The following PLCG2 variants were observed in gnomAD, a reference collection of about 807,000 sequenced individuals.
PLCG2 encodes the protein 1-phosphatidylinositol 4,5-bisphosphate phosphodiesterase gamma-2.
In PLCG2, 69 loss-of-function variants were observed where a neutral mutation model predicts 175.6. That is an observed-to-expected ratio of 0.39 (90% CI 0.32 to 0.48). The LOEUF (loss-of-function observed/expected upper bound fraction) is 0.48. Ranked by LOEUF, PLCG2 falls within the 20% of genes least tolerant of loss-of-function variation. PLCG2 has a pLI of 0.91. For missense variants in PLCG2, 1,798 were observed against 1,650.9 expected, an observed-to-expected ratio of 1.09 and a Z score of -1.54; for synonymous variants, 827 against 624.0, an observed-to-expected ratio of 1.33 and a Z score of -4.85.
chr16:81,746,370 C>G (rs1179530639), intron 1 of PLCG2, among the ~76,000 whole-genome samples: 3 of 152,174 alleles, frequency 2.0e-5, no homozygotes, highest in African/African-American at 7.2e-5. Flanking sequence ...GGGGCGGAAA[C>G]GGAAGCATGG....
intron 31 of PLCG2, among the ~76,000 whole-genome samples, chr16:81,954,321 G>C (rs751665807): frequency 1.3e-5 from 2 of 152,096 alleles, no homozygotes; most frequent in Non-Finnish European, 2.9e-5. Flanking sequence ...TGCGCCCGGC[G>C]ACTTGATTCT....
chr16:81,764,563 C>G (rs1429105094), intron 2 of PLCG2, among the ~76,000 whole-genome samples: 1 of 152,214 alleles, frequency 6.6e-6, no homozygotes, highest in Non-Finnish European at 1.5e-5. Flanking sequence ...TCTCACCCTC[C>G]AGCCCATGCA....
At chr16:81,884,363 A>C (rs920702393) in intron 9 of PLCG2, among the ~76,000 whole-genome samples, 4 of 151,934 alleles carry the variant, frequency 2.6e-5, no homozygotes, top group Non-Finnish European at 5.9e-5. Context: ...AAAACAAAAA[A>C]CAAAAACACC....
chr16:81,884,120 G>T (rs1908232342), intron 9 of PLCG2, among the ~76,000 whole-genome samples: 1 of 152,222 alleles, frequency 6.6e-6, no homozygotes, highest in African/African-American at 2.4e-5. Context: ...GGAGGCCGAG[G>T]CGGGCGGATC....
intron 9 of PLCG2, 79 bp downstream of exon 9, chr16:81,883,420 G>A: frequency 8.5e-7 from 1 of 1,180,854 alleles, no homozygotes; most frequent in South Asian, 1.2e-5. Context: ...TCTGCCGCCT[G>A]TGCTCACCTG....
At chr16:81,908,928 C>T (rs1453180315) in intron 17 of PLCG2, among the ~76,000 whole-genome samples, 1 of 152,198 alleles carries the variant, frequency 6.6e-6, no homozygotes, top group Non-Finnish European at 1.5e-5. Flanking sequence ...CGATCCCAGC[C>T]CTGGAGTGGG....
Position 81,907,765 on chromosome 16 carries a change from A to G in PLCG2, c.1548A>G (p.Glu516=). The G allele has an allele frequency of 6.2e-7, 1 of 1,612,980 alleles. No homozygotes were observed. The highest frequency in any genetic ancestry group is 8.5e-7 in the Non-Finnish European group (1 of 1,179,250). ...SDDIEQTMEE[E]VPQDIPPTEL... is the part of the protein sequence containing the mutation. ...ACATTGAACAGACTATGGAGGAGGA[A>G]GTGCCCCAGGTAGGGGGACACCCTA... Residue 516 remains glutamate, a synonymous_variant, in exon 16 of 33, where the codon GAA becomes GAG. Coordinates refer to ENST00000564138, the MANE Select transcript of PLCG2 (RefSeq NM_002661.5).
At chr16:81,813,032 G>A (rs4889395) in intron 2 of PLCG2, among the ~76,000 whole-genome samples, 151,627 of 152,350 alleles carry the variant, frequency 1, 75,455 homozygotes, top group East Asian at 1. Flanking sequence ...GCAATGGTCT[G>A]TATATCTATT....
At chr16:81,765,769 C>T (rs762813977) in intron 2 of PLCG2, among the ~76,000 whole-genome samples, 6 of 152,162 alleles carry the variant, frequency 3.9e-5, no homozygotes, top group Non-Finnish European at 5.9e-5. Context: ...GACATTTTAG[C>T]CCCTTCTGAA....
chr16:81,838,609 G>A (rs1388645971), intron 2 of PLCG2, among the ~76,000 whole-genome samples: 2 of 151,872 alleles, frequency 1.3e-5, no homozygotes, highest in Non-Finnish European at 2.9e-5. Flanking sequence ...GGGCCTGTCA[G>A]GGGGTGGGGG....
intron 20 of PLCG2, among the ~76,000 whole-genome samples, chr16:81,920,315 C>T (rs1280083468): frequency 6.6e-6 from 1 of 152,172 alleles, no homozygotes; most frequent in Non-Finnish European, 1.5e-5. Context: ...AGATTTATGG[C>T]ATCCCGATCA....
At chr16:81,857,638 C>G (rs552301401) in intron 3 of PLCG2, among the ~76,000 whole-genome samples, 2 of 84,544 alleles carry the variant, frequency 2.4e-5, no homozygotes, top group East Asian at 2.3e-4. Context: ...TCTAGTCTCT[C>G]TTTCTCTTCT....
At chr16:81,785,327 G>A (rs1910920820) in intron 1 of PLCG2, among the ~76,000 whole-genome samples, 1 of 152,102 alleles carries the variant, frequency 6.6e-6, no homozygotes, top group South Asian at 2.1e-4. Flanking sequence ...GAGAGGTCAA[G>A]CAGTCTACCC....
intron 14 of PLCG2, among the ~76,000 whole-genome samples, chr16:81,903,777 G>A (rs1469836406): frequency 6.6e-6 from 1 of 152,254 alleles, no homozygotes; most frequent in African/African-American, 2.4e-5. Flanking sequence ...CATTAGGATG[G>A]CTTGCTGCCT....
At position 81,912,634 on chromosome 16, in the gene PLCG2, G is replaced by A; in HGVS notation, c.1972G>A (p.Asp658Asn). Residue 658 changes from aspartate (D) to asparagine (N), a missense_variant, in exon 19 of 33, where the codon GAC (aspartate) becomes AAC (asparagine). Asp to Asn is a conservative substitution (Grantham distance 23). Coordinates refer to ENST00000564138, the MANE Select transcript of PLCG2 (RefSeq NM_002661.5). ...CAGCCTGAGCCGCGGAGAGGCAGAGGACATGCTGATGAGGATTCCCCGGGA... is the reference window on the plus strand; with the variant it reads ...CAGCCTGAGCCGCGGAGAGGCAGAGAACATGCTGATGAGGATTCCCCGGGA... ...YDSLSRGEAEDMLMRIPRDGA... is the reference protein window; with the variant it reads ...YDSLSRGEAENMLMRIPRDGA... 6.2e-7 allele frequency: 1 copy of A among 1,613,426 alleles called. No individual in the cohort carries two copies. Among genetic ancestry groups the A allele is most frequent in the Non-Finnish European group, 8.5e-7 (1 of 1,179,888 alleles).
chr16:81,834,987 GA>G (rs1382120284), intron 2 of PLCG2, among the ~76,000 whole-genome samples: 2 of 152,134 alleles, frequency 1.3e-5, no homozygotes, highest in South Asian at 2.1e-4. Context: ...GTGGGCAGGG[GA>G]AAGGCCCATT....
chr16:81,937,745 C>CT lies in PLCG2; in HGVS notation c.3053-10dup. On this transcript the variant is annotated splice_polypyrimidine_tract_variant and intron_variant, in intron 27 of 32. Transcript: ENST00000564138. ...ATGCCTGACTTACAGCAGGCGTTCA[C>CT]TTTCCTTCCCAGATAAGTACATGCA... 6.2e-7 allele frequency: 1 copy of CT among 1,612,000 alleles called. No individual in the cohort carries two copies. The highest frequency in any genetic ancestry group is 8.5e-7 in the Non-Finnish European group (1 of 1,178,778).
intron 14 of PLCG2, among the ~76,000 whole-genome samples, chr16:81,904,328 A>G (rs1909273199): frequency 6.6e-6 from 1 of 152,212 alleles, no homozygotes; most frequent in Admixed American, 6.5e-5. Context: ...CAGTAAGGTA[A>G]TAGGCCCTGA....
Position 81,908,488 on chromosome 16 carries a change from GAGA to G in PLCG2, c.1633_1635del (p.Lys545del). 6.2e-7 allele frequency: 1 copy of G among 1,614,120 alleles called. No individual in the cohort carries two copies. The highest frequency in any genetic ancestry group is 8.5e-7 in the Non-Finnish European group (1 of 1,180,002). ...GAAGGTGGAGAAGAGGACGAGTGCC[GAGA>G]AGTTGCTGCAGGAATACTGCATGGA... On this transcript the variant is annotated inframe_deletion, in exon 17 of 33. Coordinates refer to ENST00000564138, the MANE Select transcript of PLCG2 (RefSeq NM_002661.5).
Sources: gnomAD v4.1 joint callset for allele counts (sites outside exome capture counted in the v4.1 genomes callset) on GRCh38, gnomAD v4.1.1 for gene constraint, MANE v1.5 for transcripts, NCBI Gene and HGNC (gene_info 2026-07-23, HGNC 2026-07-21) for gene names.